Variants in NELL1 observed in about 807,000 individuals in gnomAD.
The protein encoded by NELL1 is protein kinase C-binding protein NELL1.
Under a neutral mutation model 107.4 loss-of-function variants are expected in NELL1, and 76 were observed. The ratio of observed to expected loss-of-function variants is 0.71; its 90% CI spans 0.59 to 0.86. NELL1 has a LOEUF of 0.86. NELL1 is among the 40% of genes least tolerant of loss of function. NELL1 has a pLI of 0.00. For missense variants in NELL1, 1,024 were observed against 1,005.5 expected (o/e 1.02, Z -0.25); for synonymous variants, 353 against 341.2 (o/e 1.03, Z -0.38).
At chr11:20,724,220 A>G (rs1855459118) in intron 2 of NELL1, among the ~76,000 whole-genome samples, 1 of 152,238 alleles carries the variant, frequency 6.6e-6, no homozygotes, top group Non-Finnish European at 1.5e-5. Context: ...GGCAGTTAAC[A>G]TTCAGCTCCT....
intron 13 of NELL1, among the ~76,000 whole-genome samples, chr11:21,128,009 T>G (rs1855526996): frequency 6.6e-6 from 1 of 152,126 alleles, no homozygotes; most frequent in Non-Finnish European, 1.5e-5. Context: ...TTTCCTCAGT[T>G]TGGACAAAGA....
chr11:20,937,967 G>C (rs566951088), intron 10 of NELL1, 108 bp downstream of exon 10: 6 of 1,024,034 alleles, frequency 5.9e-6, no homozygotes, highest in Admixed American at 3.7e-5. Flanking sequence ...ATAGGGCCCC[G>C]AGGGGTGGAA....
At chr11:20,847,467 G>T (rs896431786) in intron 3 of NELL1, 116 bp from the exon 4 acceptor site, 2 of 1,071,646 alleles carry the variant, frequency 1.9e-6, no homozygotes, top group Non-Finnish European at 2.6e-6. Context: ...GGCTCTTTGT[G>T]CCATGTTTAG....
chr11:21,297,015 A>G (rs1234384841), intron 14 of NELL1, among the ~76,000 whole-genome samples: 1 of 151,128 alleles, frequency 6.6e-6, no homozygotes, highest in Admixed American at 6.6e-5. Flanking sequence ...CATTCTTTAG[A>G]TGTTGTCATT....
At chr11:20,909,663 C>A (rs1401683894) in intron 5 of NELL1, among the ~76,000 whole-genome samples, 2 of 152,100 alleles carry the variant, frequency 1.3e-5, no homozygotes, top group Non-Finnish European at 2.9e-5. Flanking sequence ...AGCGTAAGAT[C>A]TGGTCCTTGC....
chr11:21,208,322 G>C (rs535317843), intron 13 of NELL1, among the ~76,000 whole-genome samples: 1 of 151,490 alleles, frequency 6.6e-6, no homozygotes, highest in Non-Finnish European at 1.5e-5. Flanking sequence ...CATAACTCCC[G>C]TTTATCTTCT....
chr11:21,011,306 T>A (rs887592458), intron 12 of NELL1, among the ~76,000 whole-genome samples: 13 of 152,128 alleles, frequency 8.5e-5, no homozygotes, highest in African/African-American at 3.1e-4. Context: ...TTGGATTCTC[T>A]GGAAGCAGAT....
intron 13 of NELL1, among the ~76,000 whole-genome samples, chr11:21,157,183 G>A (rs779884147): frequency 3.3e-5 from 5 of 149,384 alleles, no homozygotes; most frequent in South Asian, 2.1e-4. Context: ...GTGTGTGTGT[G>A]TACATATATA....
chr11:21,538,022 A>G (rs1856182202), intron 16 of NELL1, among the ~76,000 whole-genome samples: 1 of 152,192 alleles, frequency 6.6e-6, no homozygotes, highest in South Asian at 2.1e-4. Flanking sequence ...ATAGCTTAAT[A>G]GCACTGAAAA....
Position 20,682,544 on chromosome 11 carries a change from TACAG to T in NELL1, c.184+4488_184+4491del, listed in dbSNP as rs200934772. Among the ~76,000 whole-genome samples, 133 of 152,154 alleles carry T rather than the reference TACAG, an allele frequency of 8.7e-4. 2 individuals carry two copies. The East Asian group carries it at 0.019, about 21-fold the overall frequency. On this transcript the variant is annotated intron_variant, in intron 2 of 19. Transcript: ENST00000357134. ...AACGTAGATTCATCAAATTATTCTGTACAGACAATTATTAGATTAAAAAATTAAA... is the reference window on the plus strand; with the variant it reads ...AACGTAGATTCATCAAATTATTCTGTACAATTATTAGATTAAAAAATTAAA...
chr11:21,237,677 A>C (rs1004593134), intron 14 of NELL1, among the ~76,000 whole-genome samples: 10 of 152,112 alleles, frequency 6.6e-5, no homozygotes, highest in African/African-American at 2.4e-4. Flanking sequence ...AGGTAGTCCA[A>C]TGATCAGACT....
chr11:20,921,833 T>C (rs1451279519), intron 7 of NELL1, among the ~76,000 whole-genome samples: 4 of 148,758 alleles, frequency 2.7e-5, no homozygotes, highest in African/African-American at 9.8e-5. Flanking sequence ...TGTCTCTTAA[T>C]GCACGCTTTT....
At chr11:21,031,976 C>T (rs899236586) in intron 12 of NELL1, among the ~76,000 whole-genome samples, 1 of 151,292 alleles carries the variant, frequency 6.6e-6, no homozygotes, top group Non-Finnish European at 1.5e-5. Context: ...ACCTGGGAGG[C>T]GGAGGTTGCA....
At chr11:20,921,249 C>A (rs1157300378) in intron 7 of NELL1, among the ~76,000 whole-genome samples, 1 of 152,104 alleles carries the variant, frequency 6.6e-6, no homozygotes, top group Non-Finnish European at 1.5e-5. Context: ...AGTTTGTCAA[C>A]CATTGATCTA....
intron 15 of NELL1, among the ~76,000 whole-genome samples, chr11:21,404,203 C>A (rs1852175818): frequency 6.6e-6 from 1 of 151,822 alleles, no homozygotes; most frequent in Admixed American, 6.6e-5. Context: ...AGGAAGATTG[C>A]AAACAATATC....
At chr11:21,327,099 T>C (rs2133678795) in intron 14 of NELL1, among the ~76,000 whole-genome samples, 1 of 150,900 alleles carries the variant, frequency 6.6e-6, no homozygotes, top group Admixed American at 6.6e-5. Context: ...GGGAGGTTAT[T>C]TAATCATAGA....
At chr11:21,481,185 C>G (rs1452893655) in intron 15 of NELL1, among the ~76,000 whole-genome samples, 1 of 152,144 alleles carries the variant, frequency 6.6e-6, no homozygotes, top group East Asian at 1.9e-4. Flanking sequence ...TAATGTTCCT[C>G]TAATGTGAAT....
At chr11:20,771,798 G>T (rs1383701114) in intron 2 of NELL1, among the ~76,000 whole-genome samples, 1 of 152,134 alleles carries the variant, frequency 6.6e-6, no homozygotes, top group East Asian at 1.9e-4. Context: ...AGCCACAGGA[G>T]CTTACCTTTG....
intron 13 of NELL1, among the ~76,000 whole-genome samples, chr11:21,147,836 CAAA>C (rs35688285): frequency 1.1e-3 from 33 of 28,810 alleles, no homozygotes; most frequent in South Asian, 9.4e-3. Flanking sequence ...AACTCCGTCT[CAAA>C]AAAAAAAAAA....
Sources: allele counts gnomAD v4.1 joint callset (sites outside exome capture counted in the v4.1 genomes callset), GRCh38; gene constraint gnomAD v4.1.1; transcripts MANE v1.5; gene names NCBI Gene and HGNC (gene_info 2026-07-23, HGNC 2026-07-21).